The following MPHOSPH9 variants were observed in gnomAD, a reference collection of about 807,000 sequenced individuals.
MPHOSPH9 encodes M-phase phosphoprotein 9.
MPHOSPH9 carries 88 observed loss-of-function variants against 145.5 expected under a neutral mutation model. The observed-to-expected ratio is 0.60, with a 90% CI of 0.51 to 0.72. MPHOSPH9 has a LOEUF of 0.72. Ranked by LOEUF, MPHOSPH9 falls within the 30% of genes least tolerant of loss-of-function variation. The pLI is 0.00. For missense variants in MPHOSPH9, 1,238 were observed against 1,386.6 expected (o/e 0.89, Z 1.70); for synonymous variants, 435 against 486.2 (o/e 0.89, Z 1.39).
At chr12:123,226,345 C>G (rs1235166421) in intron 3 of MPHOSPH9, 13 of 1,180,076 alleles carry the variant, frequency 1.1e-5, no homozygotes, top group Non-Finnish European at 9.7e-6. Context: ...TTCGCTTACT[C>G]TACATTCTGA....
At chr12:123,187,322 A>G (rs953075394) in intron 13 of MPHOSPH9, among the ~76,000 whole-genome samples, 6 of 152,162 alleles carry the variant, frequency 3.9e-5, no homozygotes, top group African/African-American at 9.7e-5. Context: ...ATACTAGAAT[A>G]TGATATACCT....
Position 123,156,925 on chromosome 12 carries a change from G to A in MPHOSPH9, c.3451-17C>T. Reference sequence around the variant, plus strand: ...CAAGGCTTCCTAGGTGAAAACAATGGGAAAAGTTTAATTAGAATTCTATAC... The same window carrying A: ...CAAGGCTTCCTAGGTGAAAACAATGAGAAAAGTTTAATTAGAATTCTATAC... On this transcript the variant is annotated splice_polypyrimidine_tract_variant and intron_variant, in intron 23 of 23. Coordinates refer to ENST00000606320, the MANE Select transcript of MPHOSPH9 (RefSeq NM_022782.4). 6.3e-7 allele frequency: 1 copy of A among 1,578,334 alleles called. No homozygotes were observed.
intron 6 of MPHOSPH9, among the ~76,000 whole-genome samples, chr12:123,216,920 C>CA (rs1479603113): frequency 6.6e-6 from 1 of 151,836 alleles, no homozygotes; most frequent in East Asian, 1.9e-4. Flanking sequence ...ACCCAGGAGA[C>CA]AGAGATTGCA....
rs1045408462 is a variant in MPHOSPH9 at position 123,194,441 on chromosome 12, T to A, written c.2186A>T (p.Lys729Ile). Residue 729 changes from lysine to isoleucine, a missense_variant, in exon 13 of 24, where the codon AAA becomes ATA. Lys to Ile is a moderately radical substitution (Grantham distance 102). Transcript: ENST00000606320. ...TTGAGCTTCTTTATCATCTGAGAGT[T>A]TGTAAGCATTCTCAAATGCTTCTTC... ...DLEEAFENAY[K>I]LSDDKEAQLK... The A allele has an allele frequency of 1.2e-6, 2 of 1,609,648 alleles. No individual in the cohort carries two copies. The highest frequency in any genetic ancestry group is 2.7e-5 in the African/African-American group (2 of 74,944).
Position 123,202,201 on chromosome 12 carries a change from C to T in MPHOSPH9, c.1900G>A (p.Glu634Lys). The T allele has an allele frequency of 6.2e-7, 1 of 1,611,680 alleles. No individual in the cohort carries two copies. Among genetic ancestry groups the T allele is most frequent in the South Asian group, 1.1e-5 (1 of 90,192 alleles). ...KLEAKEISGVEDWKITNQILV... is the reference protein window; with the variant it reads ...KLEAKEISGVKDWKITNQILV... The stretch of plus-strand genomic sequence containing the variant: ...ATTTGATTGGTTATCTTCCAATCTT[C>T]AACTCCAGAGATTTCTTTTGCCTCC... The change falls in exon 11 of 24, where the codon GAA (glutamate) becomes AAA (lysine). Residue 634 changes from glutamate (E) to lysine (K), a missense_variant. Glu to Lys is a moderately conservative substitution (Grantham distance 56). Coordinates refer to ENST00000606320, the MANE Select transcript of MPHOSPH9 (RefSeq NM_022782.4).
At chr12:123,218,640 C>G (rs1026500980) in intron 5 of MPHOSPH9, 141 bp from the exon 6 acceptor site, 83 of 716,886 alleles carry the variant, frequency 1.2e-4, no homozygotes, top group Non-Finnish European at 1.7e-4. Context: ...ATTCTCGTGC[C>G]TCAGTCTCCT....
chr12:123,220,561 A>T (rs553776379), intron 5 of MPHOSPH9, among the ~76,000 whole-genome samples: 1 of 151,546 alleles, frequency 6.6e-6, no homozygotes, highest in Non-Finnish European at 1.5e-5. Context: ...GCAAGACTCC[A>T]TATCAAAAAA....
chr12:123,210,369 A>G (rs1167396302), intron 7 of MPHOSPH9, among the ~76,000 whole-genome samples: 4 of 152,168 alleles, frequency 2.6e-5, no homozygotes, highest in Non-Finnish European at 5.9e-5. Context: ...CTGAAATATA[A>G]AAAGTCAAGA....
At chr12:123,192,552 C>T (rs901969881) in intron 13 of MPHOSPH9, among the ~76,000 whole-genome samples, 9 of 145,642 alleles carry the variant, frequency 6.2e-5, no homozygotes, top group African/African-American at 1.6e-4. Context: ...CACCTGAGCC[C>T]GCGGAGGTTG....
chr12:123,208,183 C>T (rs1314172208), intron 8 of MPHOSPH9, among the ~76,000 whole-genome samples: 13 of 122,300 alleles, frequency 1.1e-4, no homozygotes, highest in Middle Eastern at 3.8e-3. Flanking sequence ...ACTGAGACTC[C>T]GTCTCAAAAA....
At chr12:123,220,695 A>G (rs1630693) in intron 5 of MPHOSPH9, among the ~76,000 whole-genome samples, 97,623 of 151,990 alleles carry the variant, frequency 0.64, 35,841 homozygotes, top group East Asian at 1. Context: ...ATTTTAGGCT[A>G]CAGTGAGCTA....
At chr12:123,175,173 C>G (rs909453065) in intron 16 of MPHOSPH9, among the ~76,000 whole-genome samples, 8 of 150,324 alleles carry the variant, frequency 5.3e-5, no homozygotes, top group Non-Finnish European at 7.4e-5. Context: ...TTTTCTGAGA[C>G]GGAGTCTTGC....
At chr12:123,227,670 A>G in intron 2 of MPHOSPH9, 54 bp from the exon 3 acceptor site, 1 of 1,408,654 alleles carries the variant, frequency 7.1e-7, no homozygotes, top group African/African-American at 1.4e-5. Flanking sequence ...AAAGTGTTGA[A>G]TAATTCAGCA....
intron 6 of MPHOSPH9, among the ~76,000 whole-genome samples, chr12:123,216,043 C>G (rs1171327325): frequency 2.0e-5 from 3 of 152,076 alleles, no homozygotes; most frequent in Non-Finnish European, 4.4e-5. Flanking sequence ...TGGGATTATC[C>G]TGGCTAACAC....
chr12:123,169,179 G>GTA (rs1565903936), intron 16 of MPHOSPH9, among the ~76,000 whole-genome samples: 2 of 150,924 alleles, frequency 1.3e-5, no homozygotes, highest in Admixed American at 6.6e-5. Flanking sequence ...GAGCCACTGC[G>GTA]CCCGGCCCAG....
upstream of MPHOSPH9, among the ~76,000 whole-genome samples, chr12:123,237,219 G>A (rs148258783): frequency 1.7e-3 from 255 of 152,250 alleles, no homozygotes; most frequent in Non-Finnish European, 2.4e-3. Flanking sequence ...GACTACGGGA[G>A]GCCAAGGCAG....
intron 8 of MPHOSPH9, among the ~76,000 whole-genome samples, chr12:123,208,467 G>A (rs1324184586): frequency 6.7e-6 from 1 of 148,260 alleles, no homozygotes; most frequent in Non-Finnish European, 1.5e-5. Context: ...AACCCGGGAG[G>A]CAGAGGTTGC....
chr12:123,213,975 A>C (rs961077337), intron 7 of MPHOSPH9, among the ~76,000 whole-genome samples: 1 of 152,176 alleles, frequency 6.6e-6, no homozygotes, highest in Non-Finnish European at 1.5e-5. Flanking sequence ...GGAGGTTGTA[A>C]GAAGTGGTGC....
chr12:123,223,997 T>C (rs2047325940), intron 3 of MPHOSPH9, among the ~76,000 whole-genome samples: 1 of 151,722 alleles, frequency 6.6e-6, no homozygotes, highest in Non-Finnish European at 1.5e-5. Flanking sequence ...TGCAGTGGCA[T>C]GATCTGGGCT....
Sources: gnomAD v4.1 joint callset for allele counts (sites outside exome capture counted in the v4.1 genomes callset) on GRCh38, gnomAD v4.1.1 for gene constraint, MANE v1.5 for transcripts, NCBI Gene and HGNC (gene_info 2026-07-23, HGNC 2026-07-21) for gene names.